Variants in BIN1 observed in about 807,000 individuals in gnomAD.
The protein encoded by BIN1 is myc box-dependent-interacting protein 1.
BIN1 carries 53 observed loss-of-function variants against 82.0 expected under a neutral mutation model. That is an observed-to-expected ratio of 0.65 (90% CI 0.52 to 0.81). BIN1 has a LOEUF of 0.81. Ranked by LOEUF, BIN1 falls within the 40% of genes least tolerant of loss-of-function variation. The pLI, the probability that BIN1 is intolerant of heterozygous loss-of-function variation, is 0.00. For missense variants in BIN1, 642 were observed against 784.4 expected (o/e 0.82, Z 2.17); for synonymous variants, 302 against 328.0 (o/e 0.92, Z 0.86).
chr2:127,061,956 C>T (rs1232960999), intron 10 of BIN1, among the ~76,000 whole-genome samples, 159 bp downstream of exon 10: 1 of 152,150 alleles, frequency 6.6e-6, no homozygotes, highest in Non-Finnish European at 1.5e-5. Context: ...CCTGCCCTCA[C>T]CTGCCTCCCT....
rs560343311 is a variant in BIN1 at position 127,067,049 on chromosome 2, G to T, written c.612+1114C>A. On this transcript the variant is annotated intron_variant, in intron 7 of 18. Transcript: ENST00000316724. The surrounding 1 kb of genome is among the most constrained non-coding windows in gnomAD (Gnocchi z 4.7). ...TCACACCACTGCACTCCAGCCAGGG[G>T]AACGGAGAGAAACCCGTTCAAAAAA... Among the ~76,000 whole-genome samples, 2 of 146,824 alleles carry T rather than the reference G, an allele frequency of 1.4e-5. No individual in the cohort carries two copies. Among genetic ancestry groups the T allele is most frequent in the Non-Finnish European group, 3.0e-5 (2 of 67,200 alleles).
rs1444693896 is a variant in BIN1 at position 127,059,789 on chromosome 2, G to A, written c.858-634C>T. On this transcript the variant is annotated intron_variant, in intron 10 of 18. Transcript: ENST00000316724. The surrounding 1 kb of genome is among the most constrained non-coding windows in gnomAD (Gnocchi z 6.7). Reference sequence around the variant, plus strand: ...ATGGAGGGGACAGGTCCTGAGCCATGGCGTTCAGTGCCAGAACCCAAGGCG... The same window carrying A: ...ATGGAGGGGACAGGTCCTGAGCCATAGCGTTCAGTGCCAGAACCCAAGGCG... Among the ~76,000 whole-genome samples the A allele has an allele frequency of 6.6e-6, 1 of 152,174 alleles. No homozygotes were observed. The highest frequency in any genetic ancestry group is 1.5e-5 in the Non-Finnish European group (1 of 68,024).
intron 1 of BIN1, among the ~76,000 whole-genome samples, chr2:127,077,208 G>A (rs1686722584): frequency 6.6e-6 from 1 of 152,238 alleles, no homozygotes; most frequent in African/African-American, 2.4e-5. Flanking sequence ...CCGGAACAAG[G>A]AGGGCAGCGA....
Position 127,059,288 on chromosome 2 carries a change from GT to G in BIN1, c.858-134del. ...TGTGAAACTGTGTGTGTGTGTGTGT[GT>G]GTGTATGTGAGAGAGAGCAGGAGGG... On this transcript the variant is annotated intron_variant, in intron 10 of 18. Coordinates refer to ENST00000316724, the MANE Select transcript of BIN1 (RefSeq NM_139343.3). The surrounding 1 kb of genome is among the most constrained non-coding windows in gnomAD (Gnocchi z 6.7). 1 of 1,012,550 alleles carries G rather than the reference GT, an allele frequency of 9.9e-7. No individual in the cohort carries two copies. The highest frequency in any genetic ancestry group is 1.4e-5 in the South Asian group (1 of 69,352). 62.7% of individuals were successfully genotyped at this position (1,012,550 alleles called of 1,614,324 possible).
intron 1 of BIN1, among the ~76,000 whole-genome samples, chr2:127,084,585 C>A (rs17014926): frequency 0.036 from 5,548 of 152,316 alleles, 268 homozygotes; most frequent in East Asian, 0.19. Flanking sequence ...TTAGGCATTT[C>A]AGCGTTCCCT....
At chr2:127,063,515 C>G in intron 9 of BIN1, 56 bp downstream of exon 9, 2 of 1,570,242 alleles carry the variant, frequency 1.3e-6, no homozygotes, top group Non-Finnish European at 1.7e-6. Flanking sequence ...ACGACTCTGA[C>G]TCTGACCCTC....
chr2:127,082,258 G>T lies in BIN1; in HGVS notation c.85-5552C>A, dbSNP rs1299988188. On this transcript the variant is annotated intron_variant, in intron 1 of 18. Transcript: ENST00000316724. The surrounding 1 kb of genome is among the most constrained non-coding windows in gnomAD (Gnocchi z 6.1). ...CCGTCGTCTCCCACACACAGCTCGG[G>T]TCAGCCAAGCTGGGGAGCTGTGGAT... 6.6e-6 allele frequency among the ~76,000 whole-genome samples: 1 copy of T among 152,150 alleles called. No homozygotes were observed. The highest frequency in any genetic ancestry group is 1.5e-5 in the Non-Finnish European group (1 of 68,006).
chr2:127,085,403 G>A (rs1171848049), intron 1 of BIN1, among the ~76,000 whole-genome samples: 1 of 152,200 alleles, frequency 6.6e-6, no homozygotes, highest in Non-Finnish European at 1.5e-5. Flanking sequence ...AGCCCTCAGG[G>A]CCCCACACAG....
At chr2:127,074,528 C>T (rs1316396315) in intron 2 of BIN1, among the ~76,000 whole-genome samples, 1 of 152,218 alleles carries the variant, frequency 6.6e-6, no homozygotes, top group Non-Finnish European at 1.5e-5. Context: ...CTGCCCAACC[C>T]CTCTGTCCAA....
intron 1 of BIN1, among the ~76,000 whole-genome samples, chr2:127,089,124 G>A (rs920591510): frequency 2.0e-4 from 30 of 152,216 alleles, no homozygotes; most frequent in Admixed American, 3.3e-4. Flanking sequence ...TGCAGGTGAG[G>A]AAACTGAGGC....
At chr2:127,091,783 G>A (rs971256760) in intron 1 of BIN1, among the ~76,000 whole-genome samples, 4 of 151,990 alleles carry the variant, frequency 2.6e-5, no homozygotes, top group African/African-American at 9.7e-5. Context: ...TGTGGTCCCA[G>A]ATACCCGGGA....
chr2:127,070,723 A>G, intron 3 of BIN1, 39 bp downstream of exon 3: 1 of 1,613,024 alleles, frequency 6.2e-7, no homozygotes, highest in Non-Finnish European at 8.5e-7. Context: ...TGCACCCACC[A>G]GCTCTACACG....
intron 9 of BIN1, 93 bp from the exon 10 acceptor site, chr2:127,062,290 AG>A: frequency 8.2e-7 from 1 of 1,219,176 alleles, no homozygotes; most frequent in Non-Finnish European, 1.2e-6. Context: ...CACCACCCCC[AG>A]CCCCTGCCAG....
intron 1 of BIN1, among the ~76,000 whole-genome samples, chr2:127,078,972 AG>A (rs1686969020): frequency 1.3e-5 from 2 of 151,736 alleles, no homozygotes; most frequent in South Asian, 4.2e-4. Flanking sequence ...GGGACTGCCC[AG>A]CTCCCAAGGC....
Position 127,090,701 on chromosome 2 carries a change from C to T in BIN1, c.85-13995G>A, listed in dbSNP as rs1010561819. 8.0e-4 allele frequency among the ~76,000 whole-genome samples: 122 copies of T among 152,170 alleles called. 1 individual carries two copies. Among genetic ancestry groups the T allele is most frequent in the African/African-American group, 2.4e-3 (101 of 41,500 alleles). ...CCAGGGCACAGCTGTGGGTGGGGGGCGGTGGCAGCTCCCCAGCAGCCAGGG... is the reference window on the plus strand; with the variant it reads ...CCAGGGCACAGCTGTGGGTGGGGGGTGGTGGCAGCTCCCCAGCAGCCAGGG... On this transcript the variant is annotated intron_variant, in intron 1 of 18. Coordinates refer to ENST00000316724, the MANE Select transcript of BIN1 (RefSeq NM_139343.3). This position sits in a 1 kb window ranked among gnomAD's most constrained non-coding sequence, Gnocchi z 6.4.
chr2:127,068,416 G>A lies in BIN1; in HGVS notation c.520-161C>T, dbSNP rs964957592. ...AGGCCGAGAGAATTAGGGGGAGCCCGGGGGGTAAGGAAAGGGGGTGAACTC... is the reference window on the plus strand; with the variant it reads ...AGGCCGAGAGAATTAGGGGGAGCCCAGGGGGTAAGGAAAGGGGGTGAACTC... On this transcript the variant is annotated intron_variant, in intron 6 of 18. Transcript: ENST00000316724. This position sits in a 1 kb window ranked among gnomAD's most constrained non-coding sequence, Gnocchi z 4.9. Among the ~76,000 whole-genome samples the A allele has an allele frequency of 1.3e-4, 20 of 151,972 alleles. No homozygotes were observed. Among genetic ancestry groups the A allele is most frequent in the African/African-American group, 3.9e-4 (16 of 41,354 alleles).
At chr2:127,096,857 G>A (rs1324365263) in intron 1 of BIN1, among the ~76,000 whole-genome samples, 3 of 152,228 alleles carry the variant, frequency 2.0e-5, no homozygotes, top group Non-Finnish European at 4.4e-5. Flanking sequence ...ATGGTGAGCT[G>A]AGCAAAGGTC....
In BIN1 at chr2:127,057,611, G is replaced by A. The variant is rs763361398; in HGVS notation, c.1003-10C>T. The A allele has an allele frequency of 4.8e-5, 73 of 1,515,310 alleles. No homozygotes were observed. In the Admixed American group the frequency reaches 9.7e-4, roughly 20 times the overall value. 93.9% of individuals were successfully genotyped at this position (1,515,310 alleles called of 1,614,324 possible). A position where few individuals can be genotyped will look rare whatever the true frequency, so the allele number is the denominator to read the frequency against. On this transcript the variant is annotated splice_polypyrimidine_tract_variant and intron_variant, in intron 11 of 18. Coordinates refer to ENST00000316724, the MANE Select transcript of BIN1 (RefSeq NM_139343.3). The surrounding 1 kb of genome is among the most constrained non-coding windows in gnomAD (Gnocchi z 5.0). ...GTGGGCCTTTCCGGAGCTGTGGGTCGGCGGCGGGTGAGGGGCCGCGCGGGA... is the reference window on the plus strand; with the variant it reads ...GTGGGCCTTTCCGGAGCTGTGGGTCAGCGGCGGGTGAGGGGCCGCGCGGGA...
intron 1 of BIN1, among the ~76,000 whole-genome samples, chr2:127,105,505 C>CCTCCTCCTCCTCCTCCTCCT (rs1409812260): frequency 5.4e-5 from 8 of 148,416 alleles, no homozygotes; most frequent in South Asian, 2.3e-4. Context: ...CCTCCTCCTT[C>CCTCCTCCTCCTCCTCCTCCT]CCTGGGGTGG....
Sources: gnomAD v4.1 joint callset for allele counts (sites outside exome capture counted in the v4.1 genomes callset) on GRCh38, gnomAD v4.1.1 for gene constraint, Gnocchi (gnomAD v3.1) non-coding constraint, MANE v1.5 for transcripts, NCBI Gene and HGNC (gene_info 2026-07-23, HGNC 2026-07-21) for gene names.